UQCC1: variants seen among roughly 807,000 people sequenced by gnomAD.
The protein encoded by UQCC1 is ubiquinol-cytochrome c reductase complex assembly factor 1, also known as bFGF-repressed Zic-binding protein.
Under a neutral mutation model 48.0 loss-of-function variants are expected in UQCC1, and 38 were observed. The observed-to-expected ratio is 0.79, with a 90% CI of 0.61 to 1.04. The LOEUF (loss-of-function observed/expected upper bound fraction) is 1.04. UQCC1 is among the 50% of genes least tolerant of loss of function. UQCC1 has a pLI of 0.00. For missense variants in UQCC1, 368 were observed against 381.8 expected (o/e 0.96, Z 0.30); for synonymous variants, 111 against 129.2 (o/e 0.86, Z 0.95).
intron 5 of UQCC1, among the ~76,000 whole-genome samples, chr20:35,370,872 A>C (rs1002683447): frequency 6.6e-6 from 1 of 152,214 alleles, no homozygotes; most frequent in African/African-American, 2.4e-5. Flanking sequence ...TAGTGGAGAA[A>C]TCCCTGGATT....
At chr20:35,355,009 C>T (rs1007175614) in intron 6 of UQCC1, among the ~76,000 whole-genome samples, 16 of 152,102 alleles carry the variant, frequency 1.1e-4, no homozygotes, top group Non-Finnish European at 1.8e-4. Flanking sequence ...GCACGGCACA[C>T]TCACACCCAC....
At chr20:35,366,740 A>G (rs1600954698) in intron 5 of UQCC1, 126 bp from the exon 6 acceptor site, 1 of 744,550 alleles carries the variant, frequency 1.3e-6, no homozygotes, top group East Asian at 2.7e-5. Flanking sequence ...AAAGTCCAGT[A>G]GAACAATAGG....
At chr20:35,363,028 T>TAAAAAAAAAAAAAAAAAAAAAAAAAAA (rs60988214) in intron 6 of UQCC1, among the ~76,000 whole-genome samples, 1 of 80,696 alleles carries the variant, frequency 1.2e-5, no homozygotes. Context: ...TCCTTAAAAC[T>TAAAAAAAAAAAAAAAAAAAAAAAAAAA]AAAAAAAAAA....
At chr20:35,367,330 G>A (rs535922267) in intron 5 of UQCC1, among the ~76,000 whole-genome samples, 14 of 152,178 alleles carry the variant, frequency 9.2e-5, no homozygotes, top group Admixed American at 8.5e-4. Flanking sequence ...TGAAAAGCTA[G>A]GCAAACACTC....
chr20:35,411,150 A>G (rs1234820643), intron 1 of UQCC1, among the ~76,000 whole-genome samples: 1 of 152,172 alleles, frequency 6.6e-6, no homozygotes, highest in African/African-American at 2.4e-5. Flanking sequence ...TCCATGATTA[A>G]AAACTAAGCT....
At chr20:35,399,029 T>C in intron 1 of UQCC1, among the ~76,000 whole-genome samples, 1 of 152,118 alleles carries the variant, frequency 6.6e-6, no homozygotes, top group East Asian at 1.9e-4. Context: ...ACAGAAAGGG[T>C]AATCCCAAGT....
chr20:35,362,406 G>A (rs143723848), intron 6 of UQCC1, among the ~76,000 whole-genome samples: 25 of 152,228 alleles, frequency 1.6e-4, no homozygotes, highest in African/African-American at 5.5e-4. Flanking sequence ...CGTCTAGGCC[G>A]GAGTGCGTGG....
At chr20:35,347,294 A>C (rs376350092) in intron 6 of UQCC1, 22 bp from the exon 7 acceptor site, 2 of 1,612,398 alleles carry the variant, frequency 1.2e-6, no homozygotes, top group African/African-American at 2.7e-5. Context: ...GAAGACAAAA[A>C]AAGTCTTGGC....
intron 7 of UQCC1, among the ~76,000 whole-genome samples, chr20:35,322,624 C>T (rs569627983): frequency 2.0e-5 from 3 of 152,176 alleles, no homozygotes; most frequent in Admixed American, 6.5e-5. Flanking sequence ...GTCCCAGCTA[C>T]TCAGGAGGCT....
chr20:35,339,338 T>C (rs2061352616), intron 7 of UQCC1, among the ~76,000 whole-genome samples: 1 of 152,100 alleles, frequency 6.6e-6, no homozygotes, highest in Non-Finnish European at 1.5e-5. Flanking sequence ...CACACCATGG[T>C]AAGTTCAGAG....
chr20:35,343,844 T>C (rs761239677), intron 7 of UQCC1, among the ~76,000 whole-genome samples: 10 of 152,170 alleles, frequency 6.6e-5, no homozygotes, highest in South Asian at 2.1e-4. Flanking sequence ...TCCTGAAACT[T>C]ACTGAATCAG....
At chr20:35,347,839 T>C (rs1205239354) in intron 6 of UQCC1, among the ~76,000 whole-genome samples, 1 of 152,222 alleles carries the variant, frequency 6.6e-6, no homozygotes, top group Non-Finnish European at 1.5e-5. Context: ...TTTTTAATAC[T>C]GCTTTCATGT....
chr20:35,309,312 G>C, intron 8 of UQCC1: 1 of 395,896 alleles, frequency 2.5e-6, no homozygotes, highest in Non-Finnish European at 5.2e-6. Flanking sequence ...CACAAGTGTA[G>C]TCCCAGCTAC....
At chr20:35,381,780 A>G (rs1600985955) in intron 4 of UQCC1, 138 bp downstream of exon 4, 1 of 639,744 alleles carries the variant, frequency 1.6e-6, no homozygotes, top group African/African-American at 1.8e-5. Context: ...GGGGTGACAG[A>G]TGTCGCAGCT....
At chr20:35,378,253 T>C (rs1159339279) in intron 4 of UQCC1, among the ~76,000 whole-genome samples, 5 of 152,200 alleles carry the variant, frequency 3.3e-5, no homozygotes. Flanking sequence ...CACGAACTAA[T>C]GCATTTTTTA....
At chr20:35,366,434 AAC>A in intron 6 of UQCC1, 121 bp downstream of exon 6, 1 of 761,482 alleles carries the variant, frequency 1.3e-6, no homozygotes, top group Non-Finnish European at 2.1e-6. Context: ...AAATGAAAGG[AAC>A]AGTTTTTAAC....
At chr20:35,375,140 A>G (rs554541116) in intron 4 of UQCC1, among the ~76,000 whole-genome samples, 2 of 152,286 alleles carry the variant, frequency 1.3e-5, no homozygotes, top group Admixed American at 6.5e-5. Flanking sequence ...AAAGTTATAA[A>G]CTCAAATATG....
At chr20:35,305,456 T>C (rs2060918039) in intron 9 of UQCC1, among the ~76,000 whole-genome samples, 1 of 152,196 alleles carries the variant, frequency 6.6e-6, no homozygotes, top group African/African-American at 2.4e-5. Context: ...CAGATGGAAA[T>C]GTTGGGCAGG....
chr20:35,410,387 C>T (rs113556982), intron 1 of UQCC1, among the ~76,000 whole-genome samples: 2 of 151,392 alleles, frequency 1.3e-5, no homozygotes, highest in African/African-American at 4.9e-5. Context: ...CAAAAGTTAG[C>T]CAGGTGTGGT....
Sources: allele counts gnomAD v4.1 joint callset (sites outside exome capture counted in the v4.1 genomes callset), GRCh38; gene constraint gnomAD v4.1.1; transcripts MANE v1.5; gene names NCBI Gene and HGNC (gene_info 2026-07-23, HGNC 2026-07-21).